DDAH1: variants seen among roughly 807,000 people sequenced by gnomAD.
DDAH1 encodes the protein dimethylarginine dimethylaminohydrolase 1, also known as N(G),N(G)-dimethylarginine dimethylaminohydrolase 1.
Under a neutral mutation model 28.8 loss-of-function variants are expected in DDAH1, and 19 were observed. The observed-to-expected ratio is 0.66, with a 90% CI of 0.46 to 0.97. The LOEUF is 0.97. Ranked by LOEUF, DDAH1 falls within the 50% of genes least tolerant of loss-of-function variation. The probability of loss-of-function intolerance (pLI) is 0.00; values close to 1 mark genes in which losing one functional copy is unlikely to be tolerated. For missense variants in DDAH1, 326 were observed against 375.9 expected (o/e 0.87, Z 1.10); for synonymous variants, 153 against 154.4 (o/e 0.99, Z 0.07).
At chr1:85,483,090 T>C (rs1656066520) in intron 2 of DDAH1, among the ~76,000 whole-genome samples, 1 of 150,658 alleles carries the variant, frequency 6.6e-6, no homozygotes, top group Non-Finnish European at 1.5e-5. Context: ...GGCACATGCC[T>C]ATAGTCCCAG....
chr1:85,510,733 A>C (rs1004888504), intron 1 of DDAH1, among the ~76,000 whole-genome samples: 1 of 152,210 alleles, frequency 6.6e-6, no homozygotes, highest in Admixed American at 6.5e-5. Context: ...TAAACCAACA[A>C]AGATCAAAAG....
rs1437833745 is a variant in DDAH1 at position 85,472,608 on chromosome 1, T to TAGGG, written c.-7+23554_-7+23557dup. 2.0e-5 allele frequency among the ~76,000 whole-genome samples: 3 copies of TAGGG among 152,150 alleles called. No homozygotes were observed. The South Asian group carries it at 6.2e-4, about 32-fold the overall frequency. ...GTCATCTGCCTCATTGCAACCACAT[T>TAGGG]AGGGGCTAATGAGATAACCAAAATA... On this transcript the variant is annotated intron_variant, in intron 2 of 6. Transcript: ENST00000426972.
At chr1:85,550,271 G>T (rs1468968069) in intron 1 of DDAH1, among the ~76,000 whole-genome samples, 4 of 152,082 alleles carry the variant, frequency 2.6e-5, no homozygotes, top group Non-Finnish European at 5.9e-5. Flanking sequence ...CTCTTCTAAG[G>T]GTTACATTAT....
intron 1 of DDAH1, among the ~76,000 whole-genome samples, chr1:85,412,786 A>G (rs893102852): frequency 6.6e-6 from 1 of 152,194 alleles, no homozygotes; most frequent in Admixed American, 6.5e-5. Flanking sequence ...ACATTGCTTG[A>G]GCCCAGGAGT....
chr1:85,570,206 C>T (rs998722424), intron 1 of DDAH1, among the ~76,000 whole-genome samples: 2 of 152,168 alleles, frequency 1.3e-5, no homozygotes, highest in Non-Finnish European at 2.9e-5. Flanking sequence ...CTGACCCCTG[C>T]ATTCTTTCTT....
chr1:85,373,880 A>G (rs1188481068), intron 1 of DDAH1, among the ~76,000 whole-genome samples: 1 of 152,136 alleles, frequency 6.6e-6, no homozygotes, highest in Non-Finnish European at 1.5e-5. Context: ...TAAGACTTAA[A>G]GGAAATATGC....
At chr1:85,574,627 C>T (rs1033856264) in intron 1 of DDAH1, among the ~76,000 whole-genome samples, 15 of 152,272 alleles carry the variant, frequency 9.9e-5, no homozygotes, top group South Asian at 2.1e-4. Context: ...TACAGTCCTG[C>T]GGGGGACGTT....
At chr1:85,328,912 G>C (rs993872336) in intron 4 of DDAH1, among the ~76,000 whole-genome samples, 4 of 152,240 alleles carry the variant, frequency 2.6e-5, no homozygotes, top group Non-Finnish European at 5.9e-5. Flanking sequence ...ATAACTGCCA[G>C]TTGGCTTTCC....
At chr1:85,410,482 A>C (rs1310816790) in intron 1 of DDAH1, among the ~76,000 whole-genome samples, 1 of 152,102 alleles carries the variant, frequency 6.6e-6, no homozygotes, top group Non-Finnish European at 1.5e-5. Flanking sequence ...TCTACTAAAA[A>C]TACAAAATTA....
Position 85,446,587 on chromosome 1 carries a change from A to G in DDAH1, c.303+18156T>C, listed in dbSNP as rs932782494. Reference sequence around the variant, plus strand: ...ATTCCAAGTCCTATCCTTTGGCAACATCACGCCAAAGACATCAAGGTGGAA... The same window carrying G: ...ATTCCAAGTCCTATCCTTTGGCAACGTCACGCCAAAGACATCAAGGTGGAA... On this transcript the variant is annotated intron_variant, in intron 1 of 5. Coordinates refer to ENST00000284031, the MANE Select transcript of DDAH1 (RefSeq NM_012137.4). Among the ~76,000 whole-genome samples the G allele has an allele frequency of 2.0e-5, 3 of 152,134 alleles. No homozygotes were observed. In the South Asian group the frequency reaches 6.2e-4, roughly 32 times the overall value.
intron 1 of DDAH1, among the ~76,000 whole-genome samples, chr1:85,379,191 T>C (rs1474561945): frequency 1.3e-5 from 2 of 152,202 alleles, no homozygotes; most frequent in East Asian, 3.8e-4. Context: ...TTTTCACAGA[T>C]GAACAAACTG....
At chr1:85,326,609 A>G (rs564669851) in intron 4 of DDAH1, among the ~76,000 whole-genome samples, 2 of 152,346 alleles carry the variant, frequency 1.3e-5, no homozygotes, top group South Asian at 2.1e-4. Flanking sequence ...TACAAACTAC[A>G]TAACACCTAC....
chr1:85,502,878 A>G (rs1656868446), intron 1 of DDAH1, among the ~76,000 whole-genome samples: 1 of 152,158 alleles, frequency 6.6e-6, no homozygotes, highest in African/African-American at 2.4e-5. Context: ...TCACACTACC[A>G]GAACACTCGG....
chr1:85,366,725 T>C (rs749602280), intron 1 of DDAH1, among the ~76,000 whole-genome samples: 1 of 152,114 alleles, frequency 6.6e-6, no homozygotes, highest in Non-Finnish European at 1.5e-5. Flanking sequence ...GCAGACAAGA[T>C]AGGGCAAACC....
At chr1:85,365,113 C>T (rs746522439) in intron 1 of DDAH1, among the ~76,000 whole-genome samples, 2 of 152,056 alleles carry the variant, frequency 1.3e-5, no homozygotes, top group African/African-American at 4.8e-5. Flanking sequence ...GAAGCAAGTA[C>T]AAGAATGATT....
chr1:85,464,448 T>A lies in DDAH1; in HGVS notation c.303+295A>T. On this transcript the variant is annotated intron_variant, in intron 1 of 5. Transcript: ENST00000284031. This position sits in a 1 kb window ranked among gnomAD's most constrained non-coding sequence, Gnocchi z 4.4. ...TTGCACTGTCGTCGCTGCCGTTTAA[T>A]TTTCACAAATAAAAATGCCCGTGAG... is the stretch of plus-strand genomic sequence containing the variant. 1 of 1,468,674 alleles carries A rather than the reference T, an allele frequency of 6.8e-7. No homozygotes were observed. Among genetic ancestry groups the A allele is most frequent in the Non-Finnish European group, 9.1e-7 (1 of 1,101,114 alleles). 91.0% of individuals were successfully genotyped at this position (1,468,674 alleles called of 1,614,324 possible). A position where few individuals can be genotyped will look rare whatever the true frequency, so the allele number is the denominator to read the frequency against.
intron 1 of DDAH1, among the ~76,000 whole-genome samples, chr1:85,566,491 C>CAAAAAAAAAA (rs200302503): frequency 1.2e-5 from 1 of 84,732 alleles, no homozygotes; most frequent in African/African-American, 4.1e-5. Flanking sequence ...GACCCCATCT[C>CAAAAAAAAAA]AAAAAAAAAA....
At chr1:85,484,999 A>G (rs1188045004) in intron 2 of DDAH1, among the ~76,000 whole-genome samples, 1 of 152,234 alleles carries the variant, frequency 6.6e-6, no homozygotes, top group African/African-American at 2.4e-5. Context: ...AATACAGGTT[A>G]CTGTGTGCTA....
chr1:85,536,494 A>C (rs1308765178), intron 1 of DDAH1, among the ~76,000 whole-genome samples: 2 of 152,190 alleles, frequency 1.3e-5, no homozygotes, highest in African/African-American at 4.8e-5. Context: ...CGAAGGTTGC[A>C]GTGAGCCGAG....
Sources: gnomAD v4.1 joint callset for allele counts (sites outside exome capture counted in the v4.1 genomes callset) on GRCh38, gnomAD v4.1.1 for gene constraint, Gnocchi (gnomAD v3.1) non-coding constraint, MANE v1.5 for transcripts, NCBI Gene and HGNC (gene_info 2026-07-23, HGNC 2026-07-21) for gene names.